PCSK5: variants seen among roughly 807,000 people sequenced by gnomAD.
The protein encoded by PCSK5 is prohormone convertase 5.
In PCSK5, 129 loss-of-function variants were observed where a neutral mutation model predicts 233.2. The ratio of observed to expected loss-of-function variants is 0.55; its 90% CI spans 0.48 to 0.64. PCSK5 has a LOEUF of 0.64. PCSK5 is among the 30% of genes least tolerant of loss of function. The pLI, the probability that PCSK5 is intolerant of heterozygous loss-of-function variation, is 0.00. For missense variants in PCSK5, 2,076 were observed against 2,430.1 expected (o/e 0.85, Z 3.06); for synonymous variants, 825 against 879.2 (o/e 0.94, Z 1.09).
intron 24 of PCSK5, among the ~76,000 whole-genome samples, chr9:76,273,645 TATC>T (rs1184310640): frequency 1.3e-5 from 2 of 148,732 alleles, no homozygotes; most frequent in Non-Finnish European, 3.0e-5. Context: ...ATATTATTAT[TATC>T]ATTACAGACA....
chr9:76,124,153 C>T (rs888100123), intron 9 of PCSK5, among the ~76,000 whole-genome samples: 1 of 152,120 alleles, frequency 6.6e-6, no homozygotes, highest in Non-Finnish European at 1.5e-5. Context: ...AGAAACCTGC[C>T]TTCAAATTCC....
chr9:76,181,584 G>T lies in PCSK5; in HGVS notation c.2190G>T (p.Gln730His). The change falls in exon 16 of 38, where the codon CAG (glutamine) becomes CAT (histidine). Residue 730 changes from glutamine to histidine, a missense_variant. Transcript: ENST00000674117. ...CTCACTGCCCTGATGGGTCATATCA[G>T]GATACCAGTAAGCTCACTTCAAATA... ...CVTHCPDGSY[Q>H]DTKKNLCRKC... is the part of the protein sequence containing the mutation. 6.2e-7 allele frequency: 1 copy of T among 1,608,218 alleles called. No homozygotes were observed. Among genetic ancestry groups the T allele is most frequent in the Non-Finnish European group, 8.5e-7 (1 of 1,176,322 alleles).
At position 75,941,475 on chromosome 9, in the gene PCSK5, T is replaced by C. The variant is rs150768714; in HGVS notation, c.297+8992T>C. 1.1e-3 allele frequency among the ~76,000 whole-genome samples: 174 copies of C among 152,178 alleles called. 1 individual carries two copies. Among genetic ancestry groups the C allele is most frequent in the East Asian group, 1.2e-3 (6 of 5,146 alleles). ...TACCAAATATCCTGAGAATGCACTGTATTCTTCTGGAAACAGCATGGGCTT... is the reference window on the plus strand; with the variant it reads ...TACCAAATATCCTGAGAATGCACTGCATTCTTCTGGAAACAGCATGGGCTT... On this transcript the variant is annotated intron_variant, in intron 2 of 37. Coordinates refer to ENST00000674117, the MANE Select transcript of PCSK5 (RefSeq NM_001372043.1).
At chr9:76,327,918 G>A (rs779652443) in intron 32 of PCSK5, 91 bp from the exon 33 acceptor site, 14 of 801,208 alleles carry the variant, frequency 1.7e-5, no homozygotes, top group Admixed American at 1.0e-4. Context: ...AATGTGAAAG[G>A]AATGTGAAGA....
At chr9:75,923,702 G>A (rs79670626) in intron 1 of PCSK5, among the ~76,000 whole-genome samples, 2,602 of 152,252 alleles carry the variant, frequency 0.017, 36 homozygotes, top group South Asian at 0.034. Context: ...TTAAAACAAT[G>A]CAAATTTATT....
chr9:76,162,675 G>A (rs951613800), intron 12 of PCSK5, among the ~76,000 whole-genome samples: 1 of 152,142 alleles, frequency 6.6e-6, no homozygotes, highest in African/African-American at 2.4e-5. Flanking sequence ...ACCATGTAAA[G>A]CAAAGAACAA....
chr9:76,119,896 A>T (rs1298786265), intron 9 of PCSK5, among the ~76,000 whole-genome samples: 2 of 151,702 alleles, frequency 1.3e-5, no homozygotes, highest in African/African-American at 4.8e-5. Context: ...CATTCTTTCT[A>T]ACTATTATTT....
At chr9:76,251,271 G>C (rs1158078461) in intron 24 of PCSK5, among the ~76,000 whole-genome samples, 1 of 149,706 alleles carries the variant, frequency 6.7e-6, no homozygotes, top group Non-Finnish European at 1.5e-5. Flanking sequence ...CATCTCTAAA[G>C]AAAGAAAGAA....
Position 75,891,071 on chromosome 9 carries a change from G to GCGGCGGCCCGGGGCTGCGAGCT in PCSK5, c.-94_-93insGAGCTCGGCGGCCCGGGGCTGC. The GCGGCGGCCCGGGGCTGCGAGCT allele has an allele frequency of 9.7e-7, 1 of 1,030,314 alleles. No homozygotes were observed. Among genetic ancestry groups the GCGGCGGCCCGGGGCTGCGAGCT allele is most frequent in the Non-Finnish European group, 1.3e-6 (1 of 775,878 alleles). 63.8% of individuals were successfully genotyped at this position (1,030,314 alleles called of 1,614,324 possible). On this transcript the variant is annotated 5_prime_UTR_variant, in exon 1 of 38. Transcript: ENST00000674117. ...TGCCGATCGCCCGGGGCTGCGAGCT[G>GCGGCGGCCCGGGGCTGCGAGCT]CGGCGGCCCGGGGCTGCTCGCCGGG...
At chr9:76,037,897 G>T (rs1828929850) in intron 5 of PCSK5, among the ~76,000 whole-genome samples, 1 of 152,114 alleles carries the variant, frequency 6.6e-6, no homozygotes, top group African/African-American at 2.4e-5. Context: ...CCACTCTCAG[G>T]CGAAGCTGCC....
At chr9:76,318,768 T>A (rs145180025) in intron 30 of PCSK5, among the ~76,000 whole-genome samples, 66 of 152,344 alleles carry the variant, frequency 4.3e-4, no homozygotes, top group African/African-American at 1.6e-3. Context: ...GTGGTTCCAA[T>A]CTTACAGGGC....
intron 30 of PCSK5, among the ~76,000 whole-genome samples, chr9:76,319,970 C>T (rs904172156): frequency 3.3e-5 from 5 of 152,170 alleles, no homozygotes; most frequent in Admixed American, 1.3e-4. Flanking sequence ...CCTGTAATCA[C>T]GCGACTTGCT....
intron 20 of PCSK5, among the ~76,000 whole-genome samples, chr9:76,219,031 T>G (rs1451184325): frequency 6.6e-6 from 1 of 152,188 alleles, no homozygotes; most frequent in Non-Finnish European, 1.5e-5. Flanking sequence ...GCGGATCTCT[T>G]AGACAGTGTT....
intron 7 of PCSK5, among the ~76,000 whole-genome samples, chr9:76,083,779 C>T (rs1830950283): frequency 6.6e-6 from 1 of 152,194 alleles, no homozygotes. Flanking sequence ...CATATTTCCC[C>T]ACCCTTAAAT....
At chr9:76,321,901 C>T (rs1311108195) in intron 31 of PCSK5, among the ~76,000 whole-genome samples, 5 of 152,138 alleles carry the variant, frequency 3.3e-5, no homozygotes, top group Non-Finnish European at 7.4e-5. Flanking sequence ...AGCAGATGTG[C>T]AAGTGCTATC....
intron 2 of PCSK5, among the ~76,000 whole-genome samples, chr9:75,964,526 G>A (rs1240641293): frequency 1.3e-5 from 2 of 152,224 alleles, no homozygotes; most frequent in East Asian, 3.9e-4. Context: ...CAACAACGCA[G>A]TGAGTTATGG....
chr9:76,213,836 C>T (rs1825419082), intron 20 of PCSK5, among the ~76,000 whole-genome samples: 1 of 152,128 alleles, frequency 6.6e-6, no homozygotes, highest in South Asian at 2.1e-4. Context: ...ACTTATTCTA[C>T]CTTCAACCCT....
At chr9:76,230,811 G>A (rs547797946) in intron 21 of PCSK5, among the ~76,000 whole-genome samples, 48 of 151,954 alleles carry the variant, frequency 3.2e-4, no homozygotes, top group African/African-American at 1.1e-3. Flanking sequence ...ACTGCCTCCC[G>A]TCATCCCCAG....
chr9:76,237,215 CAG>C (rs1826278056), intron 22 of PCSK5, among the ~76,000 whole-genome samples: 1 of 152,206 alleles, frequency 6.6e-6, no homozygotes, highest in East Asian at 1.9e-4. Flanking sequence ...TCCACCAGAT[CAG>C]AGTCTTGTGC....
Sources: allele counts gnomAD v4.1 joint callset (sites outside exome capture counted in the v4.1 genomes callset), GRCh38; gene constraint gnomAD v4.1.1; transcripts MANE v1.5; gene names NCBI Gene and HGNC (gene_info 2026-07-23, HGNC 2026-07-21).